The following VKORC1L1 variants were observed in gnomAD, a reference collection of about 807,000 sequenced individuals.
The protein encoded by VKORC1L1 is vitamin K epoxide reductase complex subunit 1-like protein 1.
VKORC1L1 carries 2 observed loss-of-function variants against 18.9 expected under a neutral mutation model. The ratio of observed to expected loss-of-function variants is 0.11; its 90% confidence interval spans 0.04 to 0.33. The LOEUF is 0.33. Ranked by LOEUF, VKORC1L1 falls within the 10% of genes least tolerant of loss-of-function variation. VKORC1L1 has a pLI of 1.00. For synonymous variants in VKORC1L1, 96 were observed against 100.0 expected (o/e 0.96, Z 0.24); for missense variants, 123 against 224.1 (o/e 0.55, Z 2.88).
Position 65,955,103 on chromosome 7 carries a change from TG to T in VKORC1L1, c.*804del, listed in dbSNP as rs1790273139. On this transcript the variant is annotated 3_prime_UTR_variant, in exon 3 of 3. Coordinates refer to ENST00000360768, the MANE Select transcript of VKORC1L1 (RefSeq NM_173517.6). ...GTTGTTAACCTTACAGAATGAGTCATGTGGCCAGACCTTCAAGTCCAAGGCC... is the reference window on the plus strand; with the variant it reads ...GTTGTTAACCTTACAGAATGAGTCATTGGCCAGACCTTCAAGTCCAAGGCC... The T allele has an allele frequency of 6.6e-6, 1 of 152,234 alleles. No homozygotes were observed. The highest frequency in any genetic ancestry group is 1.5e-5 in the Non-Finnish European group (1 of 68,050). The allele number at this position is 152,234 out of a possible 1,614,324, so 9.4% of individuals were successfully genotyped here.
chr7:65,881,428 A>G (rs977995784), intron 1 of VKORC1L1, among the ~76,000 whole-genome samples: 1 of 152,228 alleles, frequency 6.6e-6, no homozygotes, highest in Non-Finnish European at 1.5e-5. Context: ...CATTTATGTA[A>G]CATTATTGAA....
intron 1 of VKORC1L1, among the ~76,000 whole-genome samples, chr7:65,930,729 CT>C (rs934236470): frequency 1.3e-5 from 2 of 151,504 alleles, no homozygotes; most frequent in African/African-American, 2.4e-5. Context: ...TTTTTTCTTC[CT>C]TTATTTTACT....
chr7:65,941,673 G>GTTTTTTT (rs57537567), intron 1 of VKORC1L1, among the ~76,000 whole-genome samples: 3 of 66,498 alleles, frequency 4.5e-5, no homozygotes, highest in Admixed American at 2.1e-4. Flanking sequence ...TTTTCTTAAG[G>GTTTTTTT]TTTTTTTTTT....
At chr7:65,881,317 A>T (rs1437824199) in intron 1 of VKORC1L1, among the ~76,000 whole-genome samples, 1 of 152,236 alleles carries the variant, frequency 6.6e-6, no homozygotes, top group African/African-American at 2.4e-5. Context: ...CTAAATTTTA[A>T]TATATTAGAG....
intron 1 of VKORC1L1, among the ~76,000 whole-genome samples, chr7:65,895,893 T>A (rs1789201505): frequency 6.8e-6 from 1 of 147,428 alleles, no homozygotes; most frequent in South Asian, 2.1e-4. Flanking sequence ...CTATCTCACT[T>A]CTTTTTTTTT....
chr7:65,927,956 G>A (rs1171126077), intron 1 of VKORC1L1, among the ~76,000 whole-genome samples: 2 of 152,176 alleles, frequency 1.3e-5, no homozygotes, highest in East Asian at 3.9e-4. Context: ...AGGCAGGAAG[G>A]AGGAGGGAGC....
In VKORC1L1 at chr7:65,954,558, TGAAA is replaced by T; in HGVS notation, c.*259_*262del. ...CTTTAACTTTACTTTGAAGTGTTTC[TGAAA>T]TGATAAAATGTAGCCCTAGCCCCCT... On this transcript the variant is annotated 3_prime_UTR_variant, in exon 3 of 3. Transcript: ENST00000360768. The T allele has an allele frequency of 1.7e-6, 1 of 603,032 alleles. No homozygotes were observed. Among genetic ancestry groups the T allele is most frequent in the Non-Finnish European group, 2.6e-6 (1 of 384,098 alleles). The allele number at this position is 603,032 out of a possible 1,614,324, so 37.4% of individuals were successfully genotyped here.
chr7:65,903,958 CTTTA>C (rs1241680890), intron 1 of VKORC1L1, among the ~76,000 whole-genome samples: 3 of 152,006 alleles, frequency 2.0e-5, no homozygotes, highest in African/African-American at 7.2e-5. Flanking sequence ...ATTTTATTCT[CTTTA>C]AAAGATGACT....
intron 1 of VKORC1L1, among the ~76,000 whole-genome samples, chr7:65,890,671 G>A (rs1170084690): frequency 1.3e-5 from 2 of 152,222 alleles, no homozygotes; most frequent in Admixed American, 6.5e-5. Flanking sequence ...GGTAATGCCA[G>A]ACTATTTTCC....
At chr7:65,883,792 C>A (rs1788968251) in intron 1 of VKORC1L1, among the ~76,000 whole-genome samples, 1 of 123,404 alleles carries the variant, frequency 8.1e-6, no homozygotes, top group African/African-American at 2.7e-5. Flanking sequence ...GCCACCACAC[C>A]CAGCCTAATC....
intron 1 of VKORC1L1, among the ~76,000 whole-genome samples, chr7:65,944,349 A>G (rs751282456): frequency 6.6e-6 from 1 of 152,224 alleles, no homozygotes; most frequent in Admixed American, 6.5e-5. Flanking sequence ...GGCCTGGGTG[A>G]CAGAATGAGA....
At chr7:65,896,871 TG>T (rs1392579418) in intron 1 of VKORC1L1, among the ~76,000 whole-genome samples, 1 of 152,150 alleles carries the variant, frequency 6.6e-6, no homozygotes, top group Non-Finnish European at 1.5e-5. Context: ...TAGTGGCACA[TG>T]CCTGTAATCC....
intron 1 of VKORC1L1, among the ~76,000 whole-genome samples, chr7:65,893,314 G>A (rs1789139107): frequency 6.6e-6 from 1 of 152,310 alleles, no homozygotes; most frequent in Middle Eastern, 3.4e-3. Flanking sequence ...GGCTGAGGCG[G>A]GCAGATAACC....
chr7:65,950,923 G>A (rs974744041), intron 2 of VKORC1L1, among the ~76,000 whole-genome samples: 3 of 152,130 alleles, frequency 2.0e-5, no homozygotes, highest in Non-Finnish European at 4.4e-5. Flanking sequence ...AGAATATGAA[G>A]TATAAGCCCA....
intron 1 of VKORC1L1, among the ~76,000 whole-genome samples, chr7:65,924,333 C>T (rs1031462675): frequency 2.6e-5 from 4 of 152,174 alleles, no homozygotes; most frequent in South Asian, 2.1e-4. Context: ...GCAGCAAACT[C>T]GTCTTTGCCT....
At chr7:65,901,021 A>G (rs1789306113) in intron 1 of VKORC1L1, among the ~76,000 whole-genome samples, 1 of 152,214 alleles carries the variant, frequency 6.6e-6, no homozygotes, top group African/African-American at 2.4e-5. Context: ...ATGAGGCAAG[A>G]ATAGGATTTT....
At chr7:65,928,071 G>T (rs922098397) in intron 1 of VKORC1L1, among the ~76,000 whole-genome samples, 1 of 151,820 alleles carries the variant, frequency 6.6e-6, no homozygotes, top group Non-Finnish European at 1.5e-5. Context: ...CCACATATAG[G>T]TTATTTTCTA....
At chr7:65,953,122 C>G (rs1790240774) in intron 2 of VKORC1L1, among the ~76,000 whole-genome samples, 1 of 152,092 alleles carries the variant, frequency 6.6e-6, no homozygotes, top group Admixed American at 6.6e-5. Flanking sequence ...TATTGAGAGC[C>G]TGGATTTAGC....
intron 2 of VKORC1L1, among the ~76,000 whole-genome samples, chr7:65,949,493 A>AAAT (rs56928132): frequency 0.11 from 16,198 of 149,412 alleles, 1,016 homozygotes; most frequent in Middle Eastern, 0.2. Context: ...AAAAAGAAAT[A>AAAT]AATAATAATA....
Sources: gnomAD v4.1 joint callset for allele counts (sites outside exome capture counted in the v4.1 genomes callset) on GRCh38, gnomAD v4.1.1 for gene constraint, MANE v1.5 for transcripts, NCBI Gene and HGNC (gene_info 2026-07-23, HGNC 2026-07-21) for gene names.